Variants in CLIC5 observed in about 807,000 individuals in gnomAD.
CLIC5 encodes the protein CLIC family member 5, also known as chloride intracellular channel protein 5.
A neutral mutation model predicts 24.7 loss-of-function variants in CLIC5; 20 were observed. That is an observed-to-expected ratio of 0.81 (90% CI 0.57 to 1.18). The LOEUF (loss-of-function observed/expected upper bound fraction) is 1.18. CLIC5 is among the 50% of genes most tolerant of loss of function. The probability of loss-of-function intolerance (pLI) is 0.00; values close to 1 mark genes in which losing one functional copy is unlikely to be tolerated. For synonymous variants in CLIC5, 159 were observed against 135.6 expected (o/e 1.17, Z -1.20); for missense variants, 341 against 326.1 (o/e 1.05, Z -0.35).
chr6:45,979,632 C>T (rs1765500671), intron 1 of CLIC5, among the ~76,000 whole-genome samples: 2 of 151,178 alleles, frequency 1.3e-5, no homozygotes, highest in African/African-American at 2.4e-5. Context: ...AATGCCCTGG[C>T]CTCAGTTTTT....
the CLIC5 span, among the ~76,000 whole-genome samples, chr6:46,093,723 G>A: frequency 6.6e-6 from 1 of 152,060 alleles, no homozygotes; most frequent in African/African-American, 2.4e-5. Flanking sequence ...AGCAGATTTT[G>A]TTTTTTTGTA....
At chr6:45,949,190 C>A in intron 3 of CLIC5, 66 bp downstream of exon 3, 1 of 1,549,474 alleles carries the variant, frequency 6.5e-7, no homozygotes, top group South Asian at 1.2e-5. Flanking sequence ...AAGTTAACAC[C>A]AGGACTTTAT....
chr6:46,110,486 G>GA, the CLIC5 span, among the ~76,000 whole-genome samples: 5 of 152,184 alleles, frequency 3.3e-5, no homozygotes, highest in Non-Finnish European at 1.5e-5. Flanking sequence ...TTTTGTAACA[G>GA]AATGTGATTA....
At chr6:46,083,386 T>G (rs1300195218), upstream of CLIC5, among the ~76,000 whole-genome samples, 2 of 152,230 alleles carry the variant, frequency 1.3e-5, no homozygotes, top group African/African-American at 4.8e-5. Flanking sequence ...ATTTTGGATC[T>G]TTCCTGCTTT....
At chr6:46,116,280 G>A in the CLIC5 span, among the ~76,000 whole-genome samples, 4 of 152,100 alleles carry the variant, frequency 2.6e-5, no homozygotes, top group African/African-American at 9.7e-5. Flanking sequence ...TGCCTTGATC[G>A]GTTAATTCCA....
intron 1 of CLIC5, among the ~76,000 whole-genome samples, chr6:46,040,245 G>A (rs1429919067): frequency 6.6e-6 from 1 of 152,152 alleles, no homozygotes; most frequent in Admixed American, 6.5e-5. Flanking sequence ...ACGGTAGCAT[G>A]TGATGACACT....
chr6:46,129,792 G>C, the CLIC5 span: 1 of 152,256 alleles, frequency 6.6e-6, no homozygotes, highest in African/African-American at 2.4e-5. Context: ...TACGAAAAGT[G>C]CGTGGTGGGA....
chr6:45,992,518 C>T (rs938448270), intron 1 of CLIC5, among the ~76,000 whole-genome samples: 15 of 152,188 alleles, frequency 9.9e-5, no homozygotes, highest in Admixed American at 7.9e-4. Context: ...AGAATTCAGT[C>T]CTGCCCCACT....
chr6:46,035,984 A>G (rs971331950), intron 1 of CLIC5, among the ~76,000 whole-genome samples: 2 of 151,862 alleles, frequency 1.3e-5, no homozygotes, highest in African/African-American at 4.8e-5. Context: ...TCACCTTGTG[A>G]TCTGCCTGCC....
intron 1 of CLIC5, among the ~76,000 whole-genome samples, chr6:45,983,540 C>T (rs753583440): frequency 6.6e-5 from 10 of 152,258 alleles, no homozygotes; most frequent in East Asian, 3.9e-4. Context: ...CTGCATATCA[C>T]GGCCTTAGGA....
At chr6:46,018,912 C>A (rs1432098483), upstream of CLIC5, 1 of 151,868 alleles carries the variant, frequency 6.6e-6, no homozygotes, top group Non-Finnish European at 1.5e-5. Flanking sequence ...TATTTAGATT[C>A]AATAATATGA....
intron 4 of CLIC5, among the ~76,000 whole-genome samples, chr6:45,928,795 T>TGG (rs200432038): frequency 1.2e-4 from 18 of 148,486 alleles, no homozygotes; most frequent in African/African-American, 4.0e-4. Context: ...TGTGTGTGTG[T>TGG]AGAGAGAGAG....
At chr6:46,041,248 T>G (rs2127460590) in intron 1 of CLIC5, among the ~76,000 whole-genome samples, 1 of 152,340 alleles carries the variant, frequency 6.6e-6, no homozygotes, top group South Asian at 2.1e-4. Flanking sequence ...AGGTTTCATA[T>G]TAATTAAGCT....
intron 1 of CLIC5, among the ~76,000 whole-genome samples, chr6:46,075,416 C>G (rs748933590): frequency 1.3e-5 from 2 of 151,824 alleles, no homozygotes; most frequent in Non-Finnish European, 2.9e-5. Context: ...AACAAACAAA[C>G]AAACAAACAA....
intron 1 of CLIC5, among the ~76,000 whole-genome samples, chr6:46,070,811 A>G (rs1447093499): frequency 6.6e-6 from 1 of 152,186 alleles, no homozygotes; most frequent in African/African-American, 2.4e-5. Flanking sequence ...GCATCATGCT[A>G]CCCAACTTCA....
At chr6:46,071,952 G>A (rs1244748053) in intron 1 of CLIC5, among the ~76,000 whole-genome samples, 4 of 152,058 alleles carry the variant, frequency 2.6e-5, no homozygotes, top group Non-Finnish European at 5.9e-5. Flanking sequence ...GGTAGAGCTG[G>A]AGGCCATTAT....
chr6:45,904,756 G>A (rs1304546192), intron 5 of CLIC5, among the ~76,000 whole-genome samples: 1 of 145,004 alleles, frequency 6.9e-6, no homozygotes, highest in Non-Finnish European at 1.5e-5. Context: ...TTTTTTTGGG[G>A]GGATACAAGG....
chr6:45,881,167 C>T, exon 7 of CLIC5: 2 of 398,040 alleles, frequency 5.0e-6, no homozygotes, highest in South Asian at 2.6e-4. Flanking sequence ...TCCATGCCCC[C>T]TTTTTTTCAA....
In CLIC5 at chr6:45,903,090, A is replaced by C. The variant is rs1326877996; in HGVS notation, c.754T>G (p.Ter252GlyextTer23). 1.9e-6 allele frequency: 3 copies of C among 1,614,142 alleles called. No homozygotes were observed. Among genetic ancestry groups the C allele is most frequent in the Admixed American group, 1.7e-5 (1 of 60,014 alleles). ...GGGATGGGGCAAAATGGCTGTGCTC[A>C]GGATCGGCTGAGGCGTTTGGCGACA... Reference protein sequence around the residue: ...ADVAKRLSRS* With the variant: ...ADVAKRLSRSG Residue 252 changes from the stop codon to glycine, a stop_lost, in exon 6 of 6, where the codon TGA (stop) becomes GGA (glycine). Transcript: ENST00000339561.
Sources: gnomAD v4.1 joint callset for allele counts (sites outside exome capture counted in the v4.1 genomes callset) on GRCh38, gnomAD v4.1.1 for gene constraint, MANE v1.5 for transcripts, NCBI Gene and HGNC (gene_info 2026-07-23, HGNC 2026-07-21) for gene names.